TTC27: variants seen among roughly 807,000 people sequenced by gnomAD.
The protein encoded by TTC27 is tetratricopeptide repeat domain 27.
In TTC27, 79 loss-of-function variants were observed where a neutral mutation model predicts 115.9. The observed-to-expected ratio is 0.68, with a 90% CI of 0.57 to 0.82. The LOEUF (loss-of-function observed/expected upper bound fraction) is 0.82. Among genes scored for constraint, TTC27 ranks in the 40% least tolerant of loss-of-function variants. The pLI is 0.00. For synonymous variants in TTC27, 401 were observed against 356.0 expected (o/e 1.13, Z -1.42); for missense variants, 1,054 against 993.1 (o/e 1.06, Z -0.82).
chr2:32,663,287 C>G (rs1665622812), intron 5 of TTC27, among the ~76,000 whole-genome samples: 1 of 152,186 alleles, frequency 6.6e-6, no homozygotes, highest in Non-Finnish European at 1.5e-5. Flanking sequence ...TGCTTGAAAC[C>G]CAGGGCCCTG....
chr2:32,736,222 G>A (rs1668447847), intron 11 of TTC27, among the ~76,000 whole-genome samples: 1 of 152,116 alleles, frequency 6.6e-6, no homozygotes, highest in African/African-American at 2.4e-5. Context: ...GAATGTGCTT[G>A]AAATAAATCT....
chr2:32,691,656 C>T (rs1391463155), intron 9 of TTC27, among the ~76,000 whole-genome samples: 1 of 152,086 alleles, frequency 6.6e-6, no homozygotes, highest in Non-Finnish European at 1.5e-5. Flanking sequence ...TCCTCTTATA[C>T]ACCTTATCAA....
At chr2:32,751,743 C>G (rs1342135220) in intron 12 of TTC27, among the ~76,000 whole-genome samples, 1 of 152,158 alleles carries the variant, frequency 6.6e-6, no homozygotes, top group African/African-American at 2.4e-5. Flanking sequence ...TAGGGAAGAG[C>G]TATGATATAT....
At chr2:32,719,084 C>G (rs946637371) in intron 10 of TTC27, among the ~76,000 whole-genome samples, 2 of 152,162 alleles carry the variant, frequency 1.3e-5, no homozygotes, top group African/African-American at 4.8e-5. Context: ...GATAGAGACC[C>G]AGTGAGGAGA....
intron 12 of TTC27, among the ~76,000 whole-genome samples, chr2:32,742,671 G>T (rs993408044): frequency 1.3e-5 from 2 of 152,148 alleles, no homozygotes; most frequent in Non-Finnish European, 2.9e-5. Flanking sequence ...GTTGTTCTTG[G>T]TGAGAGGGAA....
intron 12 of TTC27, among the ~76,000 whole-genome samples, chr2:32,756,288 A>G (rs1669230154): frequency 6.6e-6 from 1 of 152,230 alleles, no homozygotes; most frequent in South Asian, 2.1e-4. Flanking sequence ...ACGCAGTGAG[A>G]TGATTTCAGC....
chr2:32,741,087 C>T (rs1349993168), intron 12 of TTC27, among the ~76,000 whole-genome samples: 1 of 152,232 alleles, frequency 6.6e-6, no homozygotes. Flanking sequence ...AATTAAAGTA[C>T]TTGTAAGTTC....
chr2:32,795,531 CTTATTTATTTAT>C (rs70938366), intron 16 of TTC27, among the ~76,000 whole-genome samples: 2,513 of 142,860 alleles, frequency 0.018, 37 homozygotes, highest in Middle Eastern at 0.033. Context: ...AGCTTCTTTT[CTTATTTATTTAT>C]TTATTTATTT....
At chr2:32,650,345 AG>A in intron 5 of TTC27, 112 bp downstream of exon 5, 1 of 288,286 alleles carries the variant, frequency 3.5e-6, no homozygotes, top group Non-Finnish European at 6.2e-6. Flanking sequence ...TTTCGTTTTG[AG>A]TTGTTTCTTT....
chr2:32,805,674 C>A (rs1381981765), intron 16 of TTC27, among the ~76,000 whole-genome samples: 1 of 152,168 alleles, frequency 6.6e-6, no homozygotes, highest in Non-Finnish European at 1.5e-5. Flanking sequence ...ACAGGCAGGG[C>A]AGTACAGTGA....
At chr2:32,778,488 C>T (rs1021977416) in intron 14 of TTC27, among the ~76,000 whole-genome samples, 28 of 152,110 alleles carry the variant, frequency 1.8e-4, no homozygotes, top group Admixed American at 7.2e-4. Context: ...GTTGTCACTC[C>T]CTATTTCTCT....
At chr2:32,737,520 C>A (rs753700619) in intron 12 of TTC27, among the ~76,000 whole-genome samples, 41 of 152,094 alleles carry the variant, frequency 2.7e-4, no homozygotes, top group Admixed American at 5.2e-4. Context: ...TACAGTCAAC[C>A]TTTTGCCATC....
chr2:32,681,239 G>A (rs1212544306), intron 9 of TTC27, among the ~76,000 whole-genome samples: 2 of 152,174 alleles, frequency 1.3e-5, no homozygotes, highest in African/African-American at 4.8e-5. Context: ...ACTTCTATGT[G>A]AGGAGGACTT....
chr2:32,644,306 C>T (rs1214843393), intron 4 of TTC27, among the ~76,000 whole-genome samples: 11 of 150,128 alleles, frequency 7.3e-5, no homozygotes, highest in South Asian at 4.2e-4. Context: ...GAGCCAAGAT[C>T]GCGCACCGCA....
intron 10 of TTC27, among the ~76,000 whole-genome samples, chr2:32,707,120 C>T (rs897633853): frequency 1.3e-5 from 2 of 152,128 alleles, no homozygotes; most frequent in African/African-American, 2.4e-5. Context: ...GTGGCTGAGC[C>T]CTTTTAGCAG....
Position 32,742,841 on chromosome 2 carries a change from A to C in TTC27, c.1452+6025A>C, listed in dbSNP as rs557477539. ...GCTCTCTGCTTCAAGGTAGAAGGCT[A>C]GAATTAGACTATGGCCAATGTTTTG... is the stretch of plus-strand genomic sequence containing the variant. On this transcript the variant is annotated intron_variant, in intron 12 of 19. Transcript: ENST00000317907. Among the ~76,000 whole-genome samples, 3 of 152,318 alleles carry C rather than the reference A, an allele frequency of 2.0e-5. No individual in the cohort carries two copies. The South Asian group carries it at 6.2e-4, about 32-fold the overall frequency.
intron 7 of TTC27, among the ~76,000 whole-genome samples, chr2:32,667,337 A>G (rs1449223188): frequency 6.6e-6 from 1 of 150,854 alleles, no homozygotes; most frequent in Non-Finnish European, 1.5e-5. Context: ...TTACCTAATT[A>G]TAGTCCACTC....
chr2:32,660,505 C>T (rs1178937630), intron 5 of TTC27, among the ~76,000 whole-genome samples: 5 of 152,084 alleles, frequency 3.3e-5, no homozygotes, highest in Admixed American at 6.6e-5. Context: ...GAACAGAAAA[C>T]CGAACACTGC....
chr2:32,772,194 A>G (rs1669851246), intron 13 of TTC27, among the ~76,000 whole-genome samples: 2 of 152,186 alleles, frequency 1.3e-5, no homozygotes, highest in Non-Finnish European at 2.9e-5. Context: ...TTTTTATTTT[A>G]ATTATTAAGG....
Sources: allele counts gnomAD v4.1 joint callset (sites outside exome capture counted in the v4.1 genomes callset), GRCh38; gene constraint gnomAD v4.1.1; transcripts MANE v1.5; gene names NCBI Gene and HGNC (gene_info 2026-07-23, HGNC 2026-07-21).